ARHGAP22: variants seen among roughly 807,000 people sequenced by gnomAD.
ARHGAP22 encodes Rho GTPase activating protein 22.
A neutral mutation model predicts 59.1 loss-of-function variants in ARHGAP22; 48 were observed. That is an observed-to-expected ratio of 0.81 (90% confidence interval 0.64 to 1.03). ARHGAP22 has a LOEUF of 1.03. Among genes scored for constraint, ARHGAP22 ranks in the 50% least tolerant of loss-of-function variants. ARHGAP22 has a pLI of 0.00. For synonymous variants in ARHGAP22, 445 were observed against 416.4 expected (o/e 1.07, Z -0.84); for missense variants, 1,015 against 958.7 (o/e 1.06, Z -0.78).
At chr10:48,511,151 G>A (rs911493508) in intron 3 of ARHGAP22, among the ~76,000 whole-genome samples, 19 of 152,216 alleles carry the variant, frequency 1.2e-4, no homozygotes, top group Non-Finnish European at 1.0e-4. Flanking sequence ...GAAGGTGCTG[G>A]TGTCTACAAA....
At chr10:48,453,508 ACCC>A in intron 7 of ARHGAP22, 83 bp from the exon 8 acceptor site, 1 of 1,583,422 alleles carries the variant, frequency 6.3e-7, no homozygotes. Context: ...GCACCGCCAC[ACCC>A]CTGCTGAGCC....
chr10:48,568,712 C>G (rs1299662289), intron 2 of ARHGAP22, among the ~76,000 whole-genome samples: 1 of 152,240 alleles, frequency 6.6e-6, no homozygotes, highest in African/African-American at 2.4e-5. Flanking sequence ...GGGTGTGAAA[C>G]AGCCTCTCCT....
chr10:48,601,611 C>G (rs2060388096), intron 1 of ARHGAP22, among the ~76,000 whole-genome samples: 1 of 152,150 alleles, frequency 6.6e-6, no homozygotes, highest in African/African-American at 2.4e-5. Flanking sequence ...GCACCCACTC[C>G]ACCCTCCCAA....
In ARHGAP22 at chr10:48,529,962, C is replaced by T. The variant is rs532021574; in HGVS notation, c.322+25501G>A. On this transcript the variant is annotated intron_variant, in intron 3 of 9. Coordinates refer to ENST00000249601, the MANE Select transcript of ARHGAP22 (RefSeq NM_021226.4). ...TTATATAAAAATCAACTTGGCTGGG[C>T]GCGGTGGCTCACGCCTGTAATCCCA... Among the ~76,000 whole-genome samples, 14 of 152,268 alleles carry T rather than the reference C, an allele frequency of 9.2e-5. No individual in the cohort carries two copies. In the East Asian group the frequency reaches 2.1e-3, roughly 23 times the overall value.
chr10:48,610,482 A>G (rs559781610), intron 1 of ARHGAP22, among the ~76,000 whole-genome samples: 114 of 152,326 alleles, frequency 7.5e-4, no homozygotes, highest in African/African-American at 2.7e-3. Context: ...CACCATAACC[A>G]TAACCTTTTG....
intron 2 of ARHGAP22, among the ~76,000 whole-genome samples, chr10:48,568,007 A>C (rs2058156042): frequency 6.6e-6 from 1 of 152,216 alleles, no homozygotes; most frequent in African/African-American, 2.4e-5. Flanking sequence ...TCGTATTTCC[A>C]TGCTGGTAAA....
In ARHGAP22 at chr10:48,525,581, C is replaced by T. The variant is rs531787372; in HGVS notation, c.322+29882G>A. Among the ~76,000 whole-genome samples, 3 of 152,252 alleles carry T rather than the reference C, an allele frequency of 2.0e-5. No homozygotes were observed. The South Asian group carries it at 6.2e-4, about 32-fold the overall frequency. ...GAGCGAGATTCTGTCTCAAAACAAACAAACAAATGAAAGAATTATCAAGTA... is the reference window on the plus strand; with the variant it reads ...GAGCGAGATTCTGTCTCAAAACAAATAAACAAATGAAAGAATTATCAAGTA... On this transcript the variant is annotated intron_variant, in intron 3 of 9. Transcript: ENST00000249601.
At chr10:48,617,484 T>C (rs953741252) in intron 1 of ARHGAP22, among the ~76,000 whole-genome samples, 5 of 152,002 alleles carry the variant, frequency 3.3e-5, no homozygotes, top group African/African-American at 7.2e-5. Flanking sequence ...TGTGAAATAA[T>C]TGAAATTATT....
intron 1 of ARHGAP22, among the ~76,000 whole-genome samples, chr10:48,651,287 C>T (rs1353708820): frequency 6.6e-6 from 1 of 152,134 alleles, no homozygotes; most frequent in East Asian, 1.9e-4. Context: ...TGGAGGGGCT[C>T]AGGCAACATC....
At chr10:48,636,133 G>A (rs535848725) in intron 1 of ARHGAP22, among the ~76,000 whole-genome samples, 1 of 152,354 alleles carries the variant, frequency 6.6e-6, no homozygotes, top group South Asian at 2.1e-4. Context: ...GCTGCCAGGT[G>A]CAGGTGAACA....
At chr10:48,471,370 T>C (rs4838598) in intron 4 of ARHGAP22, among the ~76,000 whole-genome samples, 86,511 of 152,148 alleles carry the variant, frequency 0.57, 28,247 homozygotes, top group Non-Finnish European at 0.72. Flanking sequence ...ACTGGTAAGG[T>C]TGGGACAAAC....
chr10:48,448,048 G>A lies in ARHGAP22; in HGVS notation c.1869-1429C>T, dbSNP rs966761302. ...TCCCCTGGCAAGCTCTGCTCGGCATGGCACCCAGGTGCACCTGTCAAAGTG... is the reference window on the plus strand; with the variant it reads ...TCCCCTGGCAAGCTCTGCTCGGCATAGCACCCAGGTGCACCTGTCAAAGTG... On this transcript the variant is annotated intron_variant, in intron 9 of 9. Transcript: ENST00000249601. Among the ~76,000 whole-genome samples, 5 of 151,886 alleles carry A rather than the reference G, an allele frequency of 3.3e-5. No individual in the cohort carries two copies. In the East Asian group the frequency reaches 9.8e-4, roughly 30 times the overall value.
At chr10:48,640,579 G>C (rs1565043670) in intron 1 of ARHGAP22, among the ~76,000 whole-genome samples, 4 of 152,090 alleles carry the variant, frequency 2.6e-5, no homozygotes, top group Non-Finnish European at 5.9e-5. Flanking sequence ...TATTCAAAGT[G>C]TTGAAAGAAA....
In ARHGAP22 at chr10:48,496,840, T is replaced by C. The variant is rs563014574; in HGVS notation, c.323-17076A>G. On this transcript the variant is annotated intron_variant, in intron 3 of 9. Coordinates refer to ENST00000249601, the MANE Select transcript of ARHGAP22 (RefSeq NM_021226.4). ...CACAAACCTGGCTGTGGAGGTGCTG[T>C]GTAGTACACCTCTGGAGATTGGGGG... 4.6e-5 allele frequency among the ~76,000 whole-genome samples: 7 copies of C among 152,282 alleles called. No individual in the cohort carries two copies. The East Asian group carries it at 1.4e-3, about 29-fold the overall frequency.
chr10:48,648,333 G>A (rs1375740809), intron 1 of ARHGAP22, among the ~76,000 whole-genome samples: 1 of 152,188 alleles, frequency 6.6e-6, no homozygotes, highest in African/African-American at 2.4e-5. Flanking sequence ...CCCCCAGGAT[G>A]TGGTGGGACT....
At chr10:48,602,767 AGTCACACTCAGGAGTAT>A (rs1179651091) in intron 1 of ARHGAP22, among the ~76,000 whole-genome samples, 3 of 152,226 alleles carry the variant, frequency 2.0e-5, no homozygotes, top group African/African-American at 7.2e-5. Context: ...TTCACCAATC[AGTCACACTCAGGAGTAT>A]ACAACTGCAA....
chr10:48,506,803 GTTCTCGCA>G (rs1353585684), intron 3 of ARHGAP22, among the ~76,000 whole-genome samples: 1 of 152,166 alleles, frequency 6.6e-6, no homozygotes, highest in Non-Finnish European at 1.5e-5. Context: ...GGGCCTAGAT[GTTCTCGCA>G]TTCAAGCCTG....
chr10:48,506,146 T>C (rs2052112407), intron 3 of ARHGAP22, among the ~76,000 whole-genome samples: 2 of 152,214 alleles, frequency 1.3e-5, no homozygotes, highest in Non-Finnish European at 2.9e-5. Context: ...TCCCACTCTT[T>C]TTCACTCAAG....
intron 3 of ARHGAP22, among the ~76,000 whole-genome samples, chr10:48,481,884 T>C (rs539288390): frequency 6.6e-6 from 1 of 152,374 alleles, no homozygotes; most frequent in African/African-American, 2.4e-5. Context: ...CTTTTATGTA[T>C]TTAGTTGCTA....
Sources: gnomAD v4.1 joint callset for allele counts (sites outside exome capture counted in the v4.1 genomes callset) on GRCh38, gnomAD v4.1.1 for gene constraint, MANE v1.5 for transcripts, NCBI Gene and HGNC (gene_info 2026-07-23, HGNC 2026-07-21) for gene names.